PCDHA13: variants seen among roughly 807,000 people sequenced by gnomAD.
PCDHA13 encodes protocadherin alpha 13, also known as protocadherin alpha-13.
A neutral mutation model predicts 64.8 loss-of-function variants in PCDHA13; 54 were observed. The observed-to-expected ratio is 0.83, with a 90% CI of 0.67 to 1.04. PCDHA13 has a LOEUF of 1.04. Among genes scored for constraint, PCDHA13 ranks in the 50% least tolerant of loss-of-function variants. PCDHA13 has a pLI of 0.00. For synonymous variants in PCDHA13, 587 were observed against 564.4 expected (o/e 1.04, Z -0.57); for missense variants, 1,248 against 1,254.3 (o/e 0.99, Z 0.08).
chr5:140,900,840 T>A (rs6874218), intron 1 of PCDHA13, among the ~76,000 whole-genome samples: 3 of 151,950 alleles, frequency 2.0e-5, no homozygotes, highest in Non-Finnish European at 4.4e-5. Context: ...ATGTACAAAG[T>A]TTCCCTTTTT....
At chr5:140,955,965 T>C (rs2095242955) in intron 1 of PCDHA13, among the ~76,000 whole-genome samples, 1 of 152,204 alleles carries the variant, frequency 6.6e-6, no homozygotes, top group Admixed American at 6.5e-5. Context: ...TGTTTGTGCA[T>C]AGGAATGCTA....
chr5:140,928,716 C>G (rs555492959), intron 1 of PCDHA13: 3 of 1,614,178 alleles, frequency 1.9e-6, no homozygotes, highest in Non-Finnish European at 2.5e-6. Flanking sequence ...ACTCTAGTCT[C>G]TTTAGAATTT....
intron 3 of PCDHA13, among the ~76,000 whole-genome samples, chr5:141,000,395 C>CTATA (rs1190667031): frequency 1.7e-4 from 9 of 53,980 alleles, no homozygotes; most frequent in Admixed American, 6.3e-4. Flanking sequence ...CTCTCTCTCT[C>CTATA]TATATATATA....
intron 1 of PCDHA13, among the ~76,000 whole-genome samples, chr5:140,910,512 G>A (rs2075055738): frequency 6.6e-6 from 1 of 152,144 alleles, no homozygotes; most frequent in Admixed American, 6.5e-5. Flanking sequence ...GCTCTTCAAG[G>A]ATGCAGGTAC....
intron 3 of PCDHA13, among the ~76,000 whole-genome samples, chr5:141,000,180 T>G (rs2153962126): frequency 6.6e-6 from 1 of 151,688 alleles, no homozygotes; most frequent in South Asian, 2.1e-4. Flanking sequence ...AGCCAAGGAG[T>G]CAATGTGAGA....
Position 140,884,560 on chromosome 5 carries a change from G to A in PCDHA13, c.2292G>A (p.Pro764=). 1 of 1,614,132 alleles carries A rather than the reference G, an allele frequency of 6.2e-7. No homozygotes were observed. The highest frequency in any genetic ancestry group is 1.3e-5 in the African/African-American group (1 of 75,054). Residue 764 remains proline (P), a synonymous_variant, in exon 1 of 4, where the codon CCG becomes CCA. Transcript: ENST00000289272. ...RRPRVCSGEG[P]HKTDLMAFSP... ...CGAGGGTGTGCTCTGGGGAGGGCCCGCATAAGACGGACCTCATGGCCTTCA... is the reference window on the plus strand; with the variant it reads ...CGAGGGTGTGCTCTGGGGAGGGCCCACATAAGACGGACCTCATGGCCTTCA...
chr5:140,969,391 A>G, intron 1 of PCDHA13: 2 of 1,592,664 alleles, frequency 1.3e-6, no homozygotes, highest in South Asian at 2.3e-5. Flanking sequence ...ATCCCCCAAT[A>G]TCCTGTGATT....
chr5:140,982,373 T>C, intron 2 of PCDHA13, 102 bp from the exon 3 acceptor site: 1 of 1,559,640 alleles, frequency 6.4e-7, no homozygotes, highest in Non-Finnish European at 8.7e-7. Context: ...ATGTGTTAGC[T>C]GCAGCCCTGG....
At chr5:140,994,036 A>G (rs1176195849) in intron 3 of PCDHA13, among the ~76,000 whole-genome samples, 1 of 152,210 alleles carries the variant, frequency 6.6e-6, no homozygotes, top group African/African-American at 2.4e-5. Flanking sequence ...AATATTAAAT[A>G]TAACACAGTC....
At chr5:140,947,601 A>G (rs1296948194) in intron 1 of PCDHA13, among the ~76,000 whole-genome samples, 1 of 151,680 alleles carries the variant, frequency 6.6e-6, no homozygotes, top group Non-Finnish European at 1.5e-5. Context: ...TTTAGGGAAG[A>G]TTTGGTATCT....
At chr5:140,980,585 G>A (rs1181393743) in intron 2 of PCDHA13, among the ~76,000 whole-genome samples, 2 of 151,902 alleles carry the variant, frequency 1.3e-5, no homozygotes, top group African/African-American at 2.4e-5. Flanking sequence ...AGCCAAGATC[G>A]AGCCACTGCA....
intron 3 of PCDHA13, among the ~76,000 whole-genome samples, chr5:141,007,033 T>C (rs1357363669): frequency 6.6e-6 from 1 of 152,120 alleles, no homozygotes; most frequent in Non-Finnish European, 1.5e-5. Flanking sequence ...GGTATTTATA[T>C]CTATGGATAT....
At chr5:140,927,195 C>T in intron 1 of PCDHA13, 1 of 1,614,118 alleles carries the variant, frequency 6.2e-7, no homozygotes, top group Non-Finnish European at 8.5e-7. Flanking sequence ...ACCTGGTGCT[C>T]GAGGACCCGC....
At chr5:140,988,483 C>T (rs2097299555) in intron 3 of PCDHA13, among the ~76,000 whole-genome samples, 2 of 152,030 alleles carry the variant, frequency 1.3e-5, no homozygotes, top group African/African-American at 4.8e-5. Context: ...AATTAGCATC[C>T]CCTACCTAGG....
At chr5:140,947,907 C>T (rs2094191786) in intron 1 of PCDHA13, among the ~76,000 whole-genome samples, 1 of 151,546 alleles carries the variant, frequency 6.6e-6, no homozygotes, top group African/African-American at 2.4e-5. Context: ...TGAGAGCAGA[C>T]ATTCTTGCCT....
chr5:140,993,460 T>TCACACACA (rs1554253699), intron 3 of PCDHA13, among the ~76,000 whole-genome samples: 14 of 104,506 alleles, frequency 1.3e-4, no homozygotes, highest in African/African-American at 2.4e-4. Flanking sequence ...CTTCTTTCTT[T>TCACACACA]CTCACACACA....
intron 1 of PCDHA13, among the ~76,000 whole-genome samples, chr5:140,898,923 T>G (rs2067045385): frequency 6.6e-6 from 1 of 152,144 alleles, no homozygotes; most frequent in South Asian, 2.1e-4. Flanking sequence ...GTAAGTTGGA[T>G]TCCTAAGTAT....
rs1350835757 is a variant in PCDHA13, at chr5:141,010,856, A to G, written c.*919A>G. Reference sequence around the variant, plus strand: ...CATAGATTTATTTAAAAAAAGAGAAAGTCTATAGCTATAAATCTTTAAAGA... The same window carrying G: ...CATAGATTTATTTAAAAAAAGAGAAGGTCTATAGCTATAAATCTTTAAAGA... On this transcript the variant is annotated 3_prime_UTR_variant, in exon 4 of 4. Coordinates refer to ENST00000289272, the MANE Select transcript of PCDHA13 (RefSeq NM_018904.3). The G allele has an allele frequency of 1.3e-5, 2 of 153,800 alleles. No homozygotes were observed. Among genetic ancestry groups the G allele is most frequent in the African/African-American group, 2.4e-5 (1 of 41,464 alleles). The allele number at this position is 153,800 out of a possible 1,614,324, so 9.5% of individuals were successfully genotyped here. A position where few individuals can be genotyped will look rare whatever the true frequency, so the allele number is the denominator to read the frequency against.
chr5:140,999,139 C>T lies in PCDHA13; in HGVS notation c.2543-10488C>T, dbSNP rs185453971. 2.6e-3 allele frequency among the ~76,000 whole-genome samples: 401 copies of T among 152,236 alleles called. 3 individuals carry two copies. The highest frequency in any genetic ancestry group is 5.8e-3 in the South Asian group (28 of 4,818). On this transcript the variant is annotated intron_variant, in intron 3 of 3. Coordinates refer to ENST00000289272, the MANE Select transcript of PCDHA13 (RefSeq NM_018904.3). ...TTTCTAAGCTGGAAAATGTCACAGCCGGAAGTCTTCAGTCCCCTAGAAGGA... is the reference window on the plus strand; with the variant it reads ...TTTCTAAGCTGGAAAATGTCACAGCTGGAAGTCTTCAGTCCCCTAGAAGGA...
Sources: allele counts gnomAD v4.1 joint callset (sites outside exome capture counted in the v4.1 genomes callset), GRCh38; gene constraint gnomAD v4.1.1; transcripts MANE v1.5; gene names NCBI Gene and HGNC (gene_info 2026-07-23, HGNC 2026-07-21).